The following OSBP variants were observed in gnomAD, a reference collection of about 807,000 sequenced individuals.
OSBP encodes oxysterol binding protein.
OSBP carries 32 observed loss-of-function variants against 96.6 expected under a neutral mutation model. The ratio of observed to expected loss-of-function variants is 0.33; its 90% CI spans 0.25 to 0.45. The LOEUF (loss-of-function observed/expected upper bound fraction) is 0.45, where lower values mean the gene tolerates loss of function less well. Ranked by LOEUF, OSBP falls within the 20% of genes least tolerant of loss-of-function variation. The probability of loss-of-function intolerance (pLI) is 1.00; values close to 1 mark genes in which losing one functional copy is unlikely to be tolerated. For missense variants in OSBP, 653 were observed against 1,029.7 expected, an observed-to-expected ratio of 0.63 and a Z score of 5.01; for synonymous variants, 369 against 389.6, an observed-to-expected ratio of 0.95 and a Z score of 0.62.
intron 9 of OSBP, among the ~76,000 whole-genome samples, chr11:59,592,479 G>A (rs1860597531): frequency 6.6e-6 from 1 of 152,212 alleles, no homozygotes; most frequent in Admixed American, 6.5e-5. Context: ...TGAAAGACTA[G>A]AACCTGGAAA....
chr11:59,595,974 A>AATAC (rs1169771705), intron 7 of OSBP, among the ~76,000 whole-genome samples: 39 of 150,152 alleles, frequency 2.6e-4, no homozygotes, highest in Non-Finnish European at 4.3e-4. Flanking sequence ...TAAATAAATA[A>AATAC]ATAAATAAAT....
intron 9 of OSBP, among the ~76,000 whole-genome samples, chr11:59,592,267 C>A (rs1413153740): frequency 6.6e-6 from 1 of 152,226 alleles, no homozygotes; most frequent in Admixed American, 6.5e-5. Flanking sequence ...GTTTAGGGAC[C>A]TTCTGCATAT....
At chr11:59,585,644 G>A (rs978335368) in intron 9 of OSBP, among the ~76,000 whole-genome samples, 2 of 152,230 alleles carry the variant, frequency 1.3e-5, no homozygotes, top group Non-Finnish European at 2.9e-5. Context: ...CCTCTGCCAG[G>A]CCACCACCCC....
Position 59,615,557 on chromosome 11 carries a change from G to T in OSBP, c.108C>A (p.Arg36=), listed in dbSNP as rs1294026920. The T allele has an allele frequency of 1.5e-6, 2 of 1,355,604 alleles. No homozygotes were observed. Among genetic ancestry groups the T allele is most frequent in the Non-Finnish European group, 9.5e-7 (1 of 1,049,690 alleles). The allele number at this position is 1,355,604 out of a possible 1,614,324, so 84.0% of individuals were successfully genotyped here. A position where few individuals can be genotyped will look rare whatever the true frequency, so the allele number is the denominator to read the frequency against. Residue 36 remains arginine, a synonymous_variant, in exon 1 of 14, where the codon CGC becomes CGA. Transcript: ENST00000263847. ...CCCCGGAGCCTGGCCCCGCATCTCCGCGGCCGCCGCCTCCTCCCACCACTG... is the reference window on the plus strand; with the variant it reads ...CCCCGGAGCCTGGCCCCGCATCTCCTCGGCCGCCGCCTCCTCCCACCACTG... ...GPPVVGGGGG[R]GDAGPGSGAA...
chr11:59,594,296 T>C lies in OSBP; in HGVS notation c.1312-41A>G, dbSNP rs199790872. The C allele has an allele frequency of 3.1e-5, 49 of 1,598,606 alleles. No homozygotes were observed. In the African/African-American group the frequency reaches 5.9e-4, roughly 19 times the overall value. On this transcript the variant is annotated intron_variant, in intron 7 of 13. Transcript: ENST00000263847. ...CAGATATAAAAACTATGCTCACTCA[T>C]CTATAAGAGACAGTTTAATTTTTTT...
At chr11:59,585,322 G>A (rs1177179511) in intron 9 of OSBP, among the ~76,000 whole-genome samples, 2 of 151,708 alleles carry the variant, frequency 1.3e-5, no homozygotes, top group East Asian at 3.9e-4. Flanking sequence ...CCTCTGCCCG[G>A]CCGCGACCCC....
chr11:59,584,291 G>C (rs1226334409), intron 9 of OSBP, among the ~76,000 whole-genome samples: 1 of 152,030 alleles, frequency 6.6e-6, no homozygotes, highest in African/African-American at 2.4e-5. Context: ...CTCATTCTAT[G>C]AGGCCAGCAC....
At chr11:59,611,745 G>A (rs1860851496) in intron 1 of OSBP, among the ~76,000 whole-genome samples, 1 of 152,148 alleles carries the variant, frequency 6.6e-6, no homozygotes, top group South Asian at 2.1e-4. Context: ...TGCTCTCAGA[G>A]AACTGGGTGT....
intron 2 of OSBP, among the ~76,000 whole-genome samples, chr11:59,609,364 C>T (rs1212274525): frequency 1.3e-5 from 2 of 151,882 alleles, no homozygotes; most frequent in Non-Finnish European, 2.9e-5. Flanking sequence ...AATAGCTCTC[C>T]AATAATAAGT....
intron 8 of OSBP, 50 bp from the exon 9 acceptor site, chr11:59,593,774 A>T: frequency 6.2e-7 from 1 of 1,609,572 alleles, no homozygotes; most frequent in Non-Finnish European, 8.5e-7. Flanking sequence ...GAAGAAAAAG[A>T]TACTGCCTAT....
At chr11:59,588,822 A>G (rs901081993) in intron 9 of OSBP, among the ~76,000 whole-genome samples, 2 of 152,066 alleles carry the variant, frequency 1.3e-5, no homozygotes, top group Non-Finnish European at 2.9e-5. Context: ...CCTGGCCAAC[A>G]TGGAGAAACC....
chr11:59,575,037 T>C lies in OSBP; in HGVS notation c.*1540A>G, dbSNP rs1274754862. ...TCAACAAGACAACAAAAACAAATAC[T>C]GCACAAACAGAGAAGGAAGCCAGGG... On this transcript the variant is annotated 3_prime_UTR_variant, in exon 14 of 14. Coordinates refer to ENST00000263847, the MANE Select transcript of OSBP (RefSeq NM_002556.3). The C allele has an allele frequency of 6.6e-6, 1 of 152,194 alleles. No homozygotes were observed. The highest frequency in any genetic ancestry group is 1.5e-5 in the Non-Finnish European group (1 of 68,066). 9.4% of individuals were successfully genotyped at this position (152,194 alleles called of 1,614,324 possible). A position where few individuals can be genotyped will look rare whatever the true frequency, so the allele number is the denominator to read the frequency against.
At chr11:59,610,282 G>T in intron 2 of OSBP, 99 bp downstream of exon 2, 1 of 996,746 alleles carries the variant, frequency 1.0e-6, no homozygotes, top group Non-Finnish European at 1.6e-6. Flanking sequence ...CTAGGAAATA[G>T]GTGATAATCA....
chr11:59,615,672 C>A lies in OSBP; in HGVS notation c.-8G>T. ...CAGCTCCGTCGCCGCCATGAGCCGC[C>A]GCCGCCTGGAGATACAAGACCGGAA... On this transcript the variant is annotated 5_prime_UTR_variant, in exon 1 of 14. Coordinates refer to ENST00000263847, the MANE Select transcript of OSBP (RefSeq NM_002556.3). 7.6e-7 allele frequency: 1 copy of A among 1,321,502 alleles called. No individual in the cohort carries two copies. The highest frequency in any genetic ancestry group is 3.6e-5 in the Admixed American group (1 of 27,688). 81.9% of individuals were successfully genotyped at this position (1,321,502 alleles called of 1,614,324 possible).
chr11:59,615,722 G>A lies in OSBP; in HGVS notation c.-58C>T, dbSNP rs1253877232. On this transcript the variant is annotated 5_prime_UTR_variant, in exon 1 of 14. Transcript: ENST00000263847. ...ACCGCCTACGAGAGCCGCCGTCGCC[G>A]CCCGGAGCGCCCCACACGGCTACCG... 36 of 1,248,274 alleles carry A rather than the reference G, an allele frequency of 2.9e-5. No individual in the cohort carries two copies. The highest frequency in any genetic ancestry group is 3.5e-5 in the Non-Finnish European group (35 of 996,240). The allele number at this position is 1,248,274 out of a possible 1,614,324, so 77.3% of individuals were successfully genotyped here.
At chr11:59,581,952 T>C (rs1299815270) in intron 9 of OSBP, among the ~76,000 whole-genome samples, 1 of 152,242 alleles carries the variant, frequency 6.6e-6, no homozygotes, top group Non-Finnish European at 1.5e-5. Flanking sequence ...GTTAAGTTAC[T>C]AGCTGTGTGA....
Position 59,600,489 on chromosome 11 carries a change from A to C in OSBP, c.1311+7T>G. 6.2e-7 allele frequency: 1 copy of C among 1,613,676 alleles called. No individual in the cohort carries two copies. Among genetic ancestry groups the C allele is most frequent in the Non-Finnish European group, 8.5e-7 (1 of 1,179,790 alleles). On this transcript the variant is annotated splice_region_variant and intron_variant, in intron 7 of 13. Coordinates refer to ENST00000263847, the MANE Select transcript of OSBP (RefSeq NM_002556.3). ...CTGGCAGCAGCTCCAGTGTGCAAGA[A>C]CCTTACCGGCATGGGGATCTTAGAG...
chr11:59,578,102 A>ATATTG (rs1860380574), intron 12 of OSBP, 47 bp downstream of exon 12: 1 of 1,571,656 alleles, frequency 6.4e-7, no homozygotes, highest in Non-Finnish European at 8.7e-7. Context: ...ATTGCTCCAC[A>ATATTG]GTCAAGGTCA....
intron 11 of OSBP, among the ~76,000 whole-genome samples, chr11:59,579,721 TCTA>T (rs1860398149): frequency 1.3e-5 from 2 of 151,446 alleles, no homozygotes; most frequent in Admixed American, 1.3e-4. Flanking sequence ...CTCCTTCACC[TCTA>T]CTTTTTTTTT....
Sources: gnomAD v4.1 joint callset for allele counts (sites outside exome capture counted in the v4.1 genomes callset) on GRCh38, gnomAD v4.1.1 for gene constraint, MANE v1.5 for transcripts, NCBI Gene and HGNC (gene_info 2026-07-23, HGNC 2026-07-21) for gene names.